The following KANSL3 variants were observed in gnomAD, a reference collection of about 807,000 sequenced individuals.
KANSL3 encodes the protein NSL complex protein NSL3.
A neutral mutation model predicts 89.2 loss-of-function variants in KANSL3; 16 were observed. The observed-to-expected ratio is 0.18, with a 90% CI of 0.12 to 0.27. KANSL3 has a LOEUF of 0.27. Ranked by LOEUF, KANSL3 falls within the 10% of genes least tolerant of loss-of-function variation. The pLI, the probability that KANSL3 is intolerant of heterozygous loss-of-function variation, is 1.00. For missense variants in KANSL3, 879 were observed against 1,110.6 expected, an observed-to-expected ratio of 0.79 and a Z score of 2.96; for synonymous variants, 385 against 419.7, an observed-to-expected ratio of 0.92 and a Z score of 1.01.
intron 2 of KANSL3, among the ~76,000 whole-genome samples, chr2:96,633,181 C>A (rs889604161): frequency 6.6e-6 from 1 of 151,676 alleles, no homozygotes; most frequent in African/African-American, 2.4e-5. Context: ...TCAACTGAGC[C>A]TGGGAGGCGG....
chr2:96,619,808 TC>T (rs1216254216), intron 3 of KANSL3, 46 bp from the exon 4 acceptor site: 19 of 1,402,630 alleles, frequency 1.4e-5, no homozygotes, highest in Admixed American at 2.0e-5. Flanking sequence ...CTGGGGACGC[TC>T]CCCATGTATG....
In KANSL3 at chr2:96,619,469, C is replaced by A; in HGVS notation, c.553G>T (p.Val185Leu). 6.2e-7 allele frequency: 1 copy of A among 1,614,048 alleles called. No homozygotes were observed. The highest frequency in any genetic ancestry group is 8.5e-7 in the Non-Finnish European group (1 of 1,179,906). Residue 185 changes from valine to leucine, a missense_variant, in exon 5 of 21, where the codon GTG (valine) becomes TTG (leucine). Val to Leu is a conservative substitution (Grantham distance 32, BLOSUM62 1). This residue lies in a region of KANSL3 where 210 missense variants were observed against 311.9 expected (regional missense o/e 0.67). Coordinates refer to ENST00000431828, the MANE Select transcript of KANSL3 (RefSeq NM_001115016.3). ...ARRVRQALAS[V>L]SWDTKLIQWL... ...TGGATCAGCTTGGTATCCCAGCTCA[C>A]ACTTGCCAGAGCCTGCCGCACTCTC... is the stretch of plus-strand genomic sequence containing the variant.
At chr2:96,589,000 T>G (rs572422129), downstream of KANSL3, among the ~76,000 whole-genome samples, 3 of 152,338 alleles carry the variant, frequency 2.0e-5, no homozygotes, top group East Asian at 5.8e-4. Context: ...GAGGGTAATG[T>G]GGATACCAGG....
At chr2:96,619,633 T>A in intron 4 of KANSL3, 39 bp downstream of exon 4, 1 of 1,594,910 alleles carries the variant, frequency 6.3e-7, no homozygotes, top group Non-Finnish European at 8.5e-7. Flanking sequence ...AGGCCTGAAC[T>A]ACGAAGAGCC....
intron 2 of KANSL3, among the ~76,000 whole-genome samples, chr2:96,635,767 T>A (rs2106296125): frequency 6.6e-6 from 1 of 152,262 alleles, no homozygotes; most frequent in Non-Finnish European, 1.5e-5. Context: ...GGCGGGTGGA[T>A]TGCCTGAGGT....
intron 20 of KANSL3, among the ~76,000 whole-genome samples, chr2:96,597,606 T>C (rs754043699): frequency 2.0e-5 from 3 of 152,096 alleles, no homozygotes; most frequent in Non-Finnish European, 4.4e-5. Flanking sequence ...TTTTATTTAT[T>C]TATTTTATTT....
chr2:96,605,542 A>C, intron 14 of KANSL3, 31 bp from the exon 15 acceptor site: 1 of 1,582,552 alleles, frequency 6.3e-7, no homozygotes, highest in Non-Finnish European at 8.7e-7. Context: ...GAGATCCTCC[A>C]CAATCCAAAA....
rs2066421315 is a variant in KANSL3, at chr2:96,594,914, T to C, written c.*697A>G. On this transcript the variant is annotated 3_prime_UTR_variant, in exon 21 of 21. Coordinates refer to ENST00000431828, the MANE Select transcript of KANSL3 (RefSeq NM_001115016.3). ...GGCCCAGGTTTCACCTGGCAACCAC[T>C]GCTCCCAACATCTAGAGTAAGTCAA... 1 of 152,270 alleles carries C rather than the reference T, an allele frequency of 6.6e-6. No individual in the cohort carries two copies. Among genetic ancestry groups the C allele is most frequent in the Non-Finnish European group, 1.5e-5 (1 of 68,068 alleles). 9.4% of individuals were successfully genotyped at this position (152,270 alleles called of 1,614,324 possible).
At chr2:96,602,362 G>A (rs963893434) in intron 18 of KANSL3, 24 bp from the exon 19 acceptor site, 1 of 1,566,294 alleles carries the variant, frequency 6.4e-7, no homozygotes, top group South Asian at 1.2e-5. Flanking sequence ...AAGCCCAGGT[G>A]ATCAGAAGCT....
At chr2:96,598,106 G>A (rs2066719332) in intron 20 of KANSL3, 1 of 985,266 alleles carries the variant, frequency 1.0e-6, no homozygotes, top group African/African-American at 1.7e-5. Context: ...GGGATCACGT[G>A]GCAGGATCTG....
the KANSL3 span, among the ~76,000 whole-genome samples, chr2:96,583,465 T>C: frequency 6.6e-6 from 1 of 152,214 alleles, no homozygotes; most frequent in African/African-American, 2.4e-5. Flanking sequence ...CTGACTTCTA[T>C]AACCGCAGAC....
chr2:96,605,261 G>A lies in KANSL3; in HGVS notation c.1933+59C>T, dbSNP rs2067804293. On this transcript the variant is annotated intron_variant, in intron 15 of 20. Transcript: ENST00000431828. Reference sequence around the variant, plus strand: ...ACATGCTGGTGAATGGCCACCAAAGGGCAATGCTGTGTACCTGAGAGAGCT... The same window carrying A: ...ACATGCTGGTGAATGGCCACCAAAGAGCAATGCTGTGTACCTGAGAGAGCT... 27 of 1,438,474 alleles carry A rather than the reference G, an allele frequency of 1.9e-5. No individual in the cohort carries two copies. In the East Asian group the frequency reaches 5.7e-4, roughly 31 times the overall value. The allele number at this position is 1,438,474 out of a possible 1,614,324, so 89.1% of individuals were successfully genotyped here.
At chr2:96,629,203 TTTA>T (rs1295472316) in intron 3 of KANSL3, among the ~76,000 whole-genome samples, 1 of 152,238 alleles carries the variant, frequency 6.6e-6, no homozygotes. Context: ...GTCGTTATTT[TTTA>T]TTATTAACTG....
chr2:96,585,720 T>C, the KANSL3 span, among the ~76,000 whole-genome samples: 1 of 151,828 alleles, frequency 6.6e-6, no homozygotes. Flanking sequence ...TAAATGCCCA[T>C]CAACCAAAGA....
At chr2:96,584,383 C>T in the KANSL3 span, among the ~76,000 whole-genome samples, 4 of 152,112 alleles carry the variant, frequency 2.6e-5, no homozygotes, top group South Asian at 2.1e-4. Flanking sequence ...TATTTCAAAG[C>T]GTGTATACAA....
chr2:96,592,132 TA>T (rs2066286330), downstream of KANSL3, among the ~76,000 whole-genome samples: 1 of 152,008 alleles, frequency 6.6e-6, no homozygotes, highest in Non-Finnish European at 1.5e-5. Flanking sequence ...TCAGTGAGAC[TA>T]GAGTTTGAGG....
intron 20 of KANSL3, among the ~76,000 whole-genome samples, chr2:96,597,638 T>C (rs931688379): frequency 2.0e-5 from 3 of 152,226 alleles, no homozygotes; most frequent in Admixed American, 1.3e-4. Context: ...AGTCTGGCTC[T>C]GTTGCCCAGG....
chr2:96,590,146 A>G (rs1368403625), downstream of KANSL3, among the ~76,000 whole-genome samples: 1 of 151,878 alleles, frequency 6.6e-6, no homozygotes. Flanking sequence ...ACAGAATGAG[A>G]CTCAGTCTCC....
At chr2:96,596,466 A>C (rs1347129416) in intron 20 of KANSL3, among the ~76,000 whole-genome samples, 1 of 152,164 alleles carries the variant, frequency 6.6e-6, no homozygotes, top group East Asian at 1.9e-4. Context: ...AGGCCACAGG[A>C]TTGTTTGAGC....
Sources: allele counts gnomAD v4.1 joint callset (sites outside exome capture counted in the v4.1 genomes callset), GRCh38; gene constraint gnomAD v4.1.1; regional missense constraint gnomAD v4.1.1; transcripts MANE v1.5; gene names NCBI Gene and HGNC (gene_info 2026-07-23, HGNC 2026-07-21).